The following NHSL3 variants were observed in gnomAD, a reference collection of about 807,000 sequenced individuals.
NHSL3 encodes the protein NHS like 3.
chr1:32,748,413 C>T, the NHSL3 span, among the ~76,000 whole-genome samples: 15 of 152,176 alleles, frequency 9.9e-5, no homozygotes, highest in South Asian at 1.5e-3. Flanking sequence ...GGGTCGTGGG[C>T]GCCTTGCCCT....
chr1:32,770,836 A>G, the NHSL3 span: 3 of 1,605,610 alleles, frequency 1.9e-6, no homozygotes, highest in African/African-American at 2.7e-5. This position sits in a 1 kb window ranked among gnomAD's most constrained non-coding sequence, Gnocchi z 8.3. Flanking sequence ...CTGTCCACCC[A>G]ACCCAGCCAA....
At chr1:32,755,648 A>G in the NHSL3 span, among the ~76,000 whole-genome samples, 1 of 152,232 alleles carries the variant, frequency 6.6e-6, no homozygotes, top group African/African-American at 2.4e-5. Flanking sequence ...ACTGAGGTCC[A>G]GGAAAGAGGG....
chr1:32,770,010 G>A, the NHSL3 span: 5 of 1,600,106 alleles, frequency 3.1e-6, no homozygotes, highest in Middle Eastern at 1.7e-4. The surrounding 1 kb of genome is among the most constrained non-coding windows in gnomAD (Gnocchi z 8.3). Flanking sequence ...CCCTGCAGGC[G>A]CTGGAGGCGG....
chr1:32,755,984 A>G, the NHSL3 span, among the ~76,000 whole-genome samples: 1 of 152,176 alleles, frequency 6.6e-6, no homozygotes, highest in Non-Finnish European at 1.5e-5. Context: ...TGGAGGAGAG[A>G]GAAGATAAGA....
chr1:32,761,139 C>T, the NHSL3 span, among the ~76,000 whole-genome samples: 1 of 152,134 alleles, frequency 6.6e-6, no homozygotes, highest in Non-Finnish European at 1.5e-5. Context: ...GGCCTCAGCC[C>T]TAGGCTGCAC....
chr1:32,770,354 C>G, the NHSL3 span: 3 of 1,610,370 alleles, frequency 1.9e-6, no homozygotes, highest in South Asian at 1.1e-5. The surrounding 1 kb of genome is among the most constrained non-coding windows in gnomAD (Gnocchi z 8.3). Flanking sequence ...TCAGTCCGCT[C>G]GCTGGGGCGC....
chr1:32,770,829 TCCACCCAAC>T, the NHSL3 span: 1 of 1,604,762 alleles, frequency 6.2e-7, no homozygotes, highest in African/African-American at 1.3e-5. This position sits in a 1 kb window ranked among gnomAD's most constrained non-coding sequence, Gnocchi z 8.3. Flanking sequence ...CAGCACCCTG[TCCACCCAAC>T]CCAGCCAACA....
chr1:32,771,935 G>T, the NHSL3 span: 2 of 1,600,578 alleles, frequency 1.2e-6, no homozygotes, highest in East Asian at 4.5e-5. Context: ...CTGTCAGGGC[G>T]GGCCAGCCCA....
chr1:32,768,881 G>C, the NHSL3 span: 4 of 1,362,718 alleles, frequency 2.9e-6, no homozygotes, highest in Admixed American at 6.7e-5. Flanking sequence ...CTGATTCAAT[G>C]AATTCGGGAA....
At chr1:32,766,896 G>GGGGCCA in the NHSL3 span, among the ~76,000 whole-genome samples, 17 of 152,168 alleles carry the variant, frequency 1.1e-4, no homozygotes, top group East Asian at 1.9e-4. Context: ...CTCTGCAACA[G>GGGGCCA]GGGCCAGGGC....
At chr1:32,743,858 T>C in the NHSL3 span, among the ~76,000 whole-genome samples, 1 of 152,202 alleles carries the variant, frequency 6.6e-6, no homozygotes, top group Non-Finnish European at 1.5e-5. Flanking sequence ...CCCACGTGCA[T>C]GGGTAACACC....
chr1:32,771,638 C>T, the NHSL3 span: 4,835 of 1,612,938 alleles, frequency 3.0e-3, 98 homozygotes, highest in African/African-American at 0.049. Context: ...GCTTCGTCCT[C>T]CTCAGCTACT....
chr1:32,742,494 CTCACCGAGGT>C, the NHSL3 span, among the ~76,000 whole-genome samples: 1 of 152,268 alleles, frequency 6.6e-6, no homozygotes, highest in Admixed American at 6.5e-5. Flanking sequence ...CTCCCCCAGG[CTCACCGAGGT>C]TCTGCCCTCT....
the NHSL3 span, among the ~76,000 whole-genome samples, chr1:32,758,779 A>T: frequency 6.6e-6 from 1 of 151,820 alleles, no homozygotes; most frequent in Non-Finnish European, 1.5e-5. Context: ...GGCCCAGAAA[A>T]GCACAGTACC....
the NHSL3 span, among the ~76,000 whole-genome samples, chr1:32,742,403 G>A: frequency 2.6e-5 from 4 of 152,236 alleles, no homozygotes; most frequent in Non-Finnish European, 4.4e-5. Context: ...TGAGGGGAGG[G>A]GACCCCCGGC....
chr1:32,768,820 C>T, the NHSL3 span: 1 of 1,598,240 alleles, frequency 6.3e-7, no homozygotes, highest in South Asian at 1.1e-5. Flanking sequence ...TCCATTGGGT[C>T]CCAGCATCTG....
At chr1:32,761,074 C>A in the NHSL3 span, among the ~76,000 whole-genome samples, 1 of 152,128 alleles carries the variant, frequency 6.6e-6, no homozygotes, top group South Asian at 2.1e-4. Context: ...ATCCAGGAAG[C>A]CTCCTCCCCC....
At chr1:32,773,350 C>CA in the NHSL3 span, 1 of 188,634 alleles carries the variant, frequency 5.3e-6, no homozygotes, top group East Asian at 1.2e-4. Flanking sequence ...GGCCTGTTTA[C>CA]ATGGCAGCAG....
the NHSL3 span, chr1:32,774,910 G>A: frequency 6.6e-6 from 1 of 152,508 alleles, no homozygotes; most frequent in East Asian, 1.9e-4. Flanking sequence ...TGAAGCCTGA[G>A]TGAGACACAT....
Sources: gnomAD v4.1 joint callset for allele counts (sites outside exome capture counted in the v4.1 genomes callset) on GRCh38, gnomAD v4.1.1 for gene constraint, Gnocchi (gnomAD v3.1) non-coding constraint, MANE v1.5 for transcripts, NCBI Gene and HGNC (gene_info 2026-07-23, HGNC 2026-07-21) for gene names.